PLCB1: variants seen among roughly 807,000 people sequenced by gnomAD.
PLCB1 encodes phospholipase C beta 1.
In PLCB1, 46 loss-of-function variants were observed where a neutral mutation model predicts 161.8. That is an observed-to-expected ratio of 0.28 (90% CI 0.22 to 0.36). The LOEUF (loss-of-function observed/expected upper bound fraction) is 0.36, where lower values mean the gene tolerates loss of function less well. PLCB1 is among the 10% of genes least tolerant of loss of function. The pLI, the probability that PLCB1 is intolerant of heterozygous loss-of-function variation, is 1.00. For missense variants in PLCB1, 1,016 were observed against 1,472.5 expected, an observed-to-expected ratio of 0.69 and a Z score of 5.07; for synonymous variants, 517 against 503.7, an observed-to-expected ratio of 1.03 and a Z score of -0.35.
intron 2 of PLCB1, among the ~76,000 whole-genome samples, chr20:8,230,056 CAAAAAAAAA>C (rs547874616): frequency 6.5e-4 from 38 of 58,876 alleles, no homozygotes; most frequent in East Asian, 1.5e-3. Flanking sequence ...GACTTGGCAG[CAAAAAAAAA>C]AAAAAAAAAA....
chr20:8,321,044 A>G (rs202169886), intron 2 of PLCB1, among the ~76,000 whole-genome samples: 1 of 86,566 alleles, frequency 1.2e-5, no homozygotes, highest in African/African-American at 4.3e-5. Flanking sequence ...GAGAGAGGAG[A>G]AAAAAGTATA....
chr20:8,390,131 A>G (rs1005648775), intron 3 of PLCB1, among the ~76,000 whole-genome samples: 1 of 152,164 alleles, frequency 6.6e-6, no homozygotes, highest in Non-Finnish European at 1.5e-5. Context: ...TTACCACAGC[A>G]AAGTACCACA....
chr20:8,258,687 G>T (rs576557324), intron 2 of PLCB1, among the ~76,000 whole-genome samples: 56 of 152,102 alleles, frequency 3.7e-4, no homozygotes, highest in African/African-American at 1.3e-3. Context: ...TTTAAAATTG[G>T]CGATAATTTC....
chr20:8,208,396 T>C (rs1978640347), intron 2 of PLCB1, among the ~76,000 whole-genome samples: 1 of 152,084 alleles, frequency 6.6e-6, no homozygotes, highest in Non-Finnish European at 1.5e-5. Context: ...GGGCTGGTGA[T>C]GGAAGGGGAA....
At chr20:8,831,979 T>C (rs146424100) in intron 31 of PLCB1, among the ~76,000 whole-genome samples, 1,965 of 115,474 alleles carry the variant, frequency 0.017, 258 homozygotes, top group African/African-American at 0.039. Context: ...TCTTTCTTTC[T>C]TTCCTTCTTT....
chr20:8,867,229 G>A (rs1163526335), intron 31 of PLCB1, among the ~76,000 whole-genome samples: 1 of 152,090 alleles, frequency 6.6e-6, no homozygotes, highest in Non-Finnish European at 1.5e-5. Flanking sequence ...TATCATAAAG[G>A]CATGCACCAA....
chr20:8,540,543 G>A (rs1055315406), intron 3 of PLCB1, among the ~76,000 whole-genome samples: 1 of 152,054 alleles, frequency 6.6e-6, no homozygotes, highest in African/African-American at 2.4e-5. Context: ...AGCCTGAATG[G>A]GACCTTTCAC....
intron 3 of PLCB1, among the ~76,000 whole-genome samples, chr20:8,514,807 T>G (rs1246887380): frequency 6.6e-6 from 1 of 152,196 alleles, no homozygotes; most frequent in African/African-American, 2.4e-5. Context: ...TTGGTTCATG[T>G]AAAGTAATTT....
intron 3 of PLCB1, among the ~76,000 whole-genome samples, chr20:8,507,507 C>T (rs1300850166): frequency 2.0e-5 from 3 of 152,136 alleles, no homozygotes; most frequent in Non-Finnish European, 4.4e-5. Flanking sequence ...CAATAAGTTA[C>T]AAACCTTTTA....
intron 31 of PLCB1, among the ~76,000 whole-genome samples, chr20:8,838,028 A>G (rs1181936225): frequency 6.6e-6 from 1 of 151,758 alleles, no homozygotes; most frequent in Admixed American, 6.6e-5. Context: ...GCTGGTGACT[A>G]AATTCTTTTT....
chr20:8,870,950 G>C (rs1450611894), intron 31 of PLCB1, among the ~76,000 whole-genome samples: 2 of 152,328 alleles, frequency 1.3e-5, no homozygotes, highest in South Asian at 2.1e-4. Context: ...GTGGTTCTTA[G>C]ACCAGCAGCA....
At chr20:8,322,155 C>T (rs1984948228) in intron 2 of PLCB1, among the ~76,000 whole-genome samples, 1 of 152,038 alleles carries the variant, frequency 6.6e-6, no homozygotes, top group African/African-American at 2.4e-5. Context: ...ATTTTGGCTT[C>T]TTTCTCTTCA....
chr20:8,241,466 C>T (rs1980607832), intron 2 of PLCB1, among the ~76,000 whole-genome samples: 1 of 151,874 alleles, frequency 6.6e-6, no homozygotes. Context: ...TTTTGGAAAA[C>T]TATTATGTCT....
At chr20:8,610,349 G>A (rs1261716018) in intron 3 of PLCB1, among the ~76,000 whole-genome samples, 1 of 152,096 alleles carries the variant, frequency 6.6e-6, no homozygotes, top group Non-Finnish European at 1.5e-5. Flanking sequence ...TTACTCAATT[G>A]CATGTATATA....
At chr20:8,159,973 A>G (rs1457670605) in intron 2 of PLCB1, among the ~76,000 whole-genome samples, 4 of 129,760 alleles carry the variant, frequency 3.1e-5, no homozygotes, top group Admixed American at 8.9e-5. Flanking sequence ...GGGCAACAAG[A>G]GTGAAACTCC....
intron 2 of PLCB1, among the ~76,000 whole-genome samples, chr20:8,264,093 A>G (rs1389499562): frequency 1.3e-5 from 2 of 152,172 alleles, no homozygotes; most frequent in Admixed American, 6.6e-5. Flanking sequence ...GTACAAAAAT[A>G]TTTTATTTCT....
At chr20:8,444,904 T>C (rs942783069) in intron 3 of PLCB1, among the ~76,000 whole-genome samples, 15 of 152,052 alleles carry the variant, frequency 9.9e-5, no homozygotes, top group African/African-American at 3.6e-4. Context: ...TTTTTTTTTT[T>C]CTTGTAAATT....
intron 3 of PLCB1, among the ~76,000 whole-genome samples, chr20:8,602,637 G>A (rs1446780168): frequency 6.6e-6 from 1 of 152,156 alleles, no homozygotes; most frequent in African/African-American, 2.4e-5. Context: ...GCTTAAAAGT[G>A]TTCAAAATTT....
chr20:8,696,819 C>T (rs934482596), intron 10 of PLCB1, among the ~76,000 whole-genome samples: 29 of 152,202 alleles, frequency 1.9e-4, no homozygotes, highest in Middle Eastern at 3.4e-3. Context: ...CTGCAAGCTC[C>T]GCCTCCCGGG....
Sources: gnomAD v4.1 joint callset for allele counts (sites outside exome capture counted in the v4.1 genomes callset) on GRCh38, gnomAD v4.1.1 for gene constraint, MANE v1.5 for transcripts, NCBI Gene and HGNC (gene_info 2026-07-23, HGNC 2026-07-21) for gene names.